Variants in ATRNL1 observed in about 807,000 individuals in gnomAD.
ATRNL1 encodes attractin like 1.
A neutral mutation model predicts 182.7 loss-of-function variants in ATRNL1; 95 were observed. That is an observed-to-expected ratio of 0.52 (90% CI 0.44 to 0.62). ATRNL1 has a LOEUF of 0.62. ATRNL1 is among the 20% of genes least tolerant of loss of function. The pLI is 0.00. For synonymous variants in ATRNL1, 576 were observed against 568.3 expected, an observed-to-expected ratio of 1.01 and a Z score of -0.19; for missense variants, 1,471 against 1,679.5, an observed-to-expected ratio of 0.88 and a Z score of 2.17.
chr10:115,376,280 C>T (rs1554949513), intron 19 of ATRNL1, among the ~76,000 whole-genome samples: 1 of 151,490 alleles, frequency 6.6e-6, no homozygotes. Context: ...GATTCTCTGC[C>T]TTTGACTTTA....
chr10:115,133,766 A>C (rs988513127), intron 5 of ATRNL1, among the ~76,000 whole-genome samples: 6 of 152,208 alleles, frequency 3.9e-5, no homozygotes, highest in South Asian at 2.1e-4. Flanking sequence ...ACCACATTGC[A>C]CTTATTCCAA....
intron 28 of ATRNL1, among the ~76,000 whole-genome samples, chr10:115,862,840 T>C (rs1189298510): frequency 1.4e-4 from 21 of 152,258 alleles, no homozygotes; most frequent in African/African-American, 4.6e-4. Flanking sequence ...ATTTGGTACA[T>C]GCATAAATGG....
At chr10:115,865,594 G>A (rs559772320) in intron 28 of ATRNL1, among the ~76,000 whole-genome samples, 3 of 152,190 alleles carry the variant, frequency 2.0e-5, no homozygotes, top group Non-Finnish European at 4.4e-5. Flanking sequence ...ACATAGTATA[G>A]CCATGTTCCC....
intron 27 of ATRNL1, among the ~76,000 whole-genome samples, chr10:115,817,440 A>G (rs1056131654): frequency 3.9e-5 from 6 of 152,138 alleles, no homozygotes; most frequent in African/African-American, 9.6e-5. Context: ...AGCACTAAGT[A>G]TAAAATATGG....
chr10:115,306,334 C>T (rs2133990089), intron 17 of ATRNL1, among the ~76,000 whole-genome samples: 1 of 152,238 alleles, frequency 6.6e-6, no homozygotes, highest in Admixed American at 6.5e-5. Context: ...TTCCTTGGAA[C>T]CTCTTTAGCA....
intron 27 of ATRNL1, among the ~76,000 whole-genome samples, chr10:115,754,873 G>A (rs1555071561): frequency 6.6e-6 from 1 of 152,148 alleles, no homozygotes; most frequent in Non-Finnish European, 1.5e-5. Flanking sequence ...TCTCCTTGAA[G>A]AGATCCTTCA....
intron 19 of ATRNL1, among the ~76,000 whole-genome samples, chr10:115,374,739 T>C (rs1857582670): frequency 6.6e-6 from 1 of 151,946 alleles, no homozygotes; most frequent in Non-Finnish European, 1.5e-5. Context: ...TTCTTTTTGT[T>C]TAGGAACAGA....
intron 28 of ATRNL1, among the ~76,000 whole-genome samples, chr10:115,937,183 G>A (rs1449496905): frequency 6.6e-6 from 1 of 152,208 alleles, no homozygotes; most frequent in Non-Finnish European, 1.5e-5. Flanking sequence ...TGAGGTGTCT[G>A]TGGTGCTGGA....
At chr10:115,892,823 G>T (rs1418144559) in intron 28 of ATRNL1, among the ~76,000 whole-genome samples, 1 of 152,168 alleles carries the variant, frequency 6.6e-6, no homozygotes, top group Non-Finnish European at 1.5e-5. Context: ...GTTTGTGATT[G>T]TAACTCTAAT....
At chr10:115,413,317 G>A (rs782359169) in intron 20 of ATRNL1, among the ~76,000 whole-genome samples, 53 of 151,936 alleles carry the variant, frequency 3.5e-4, no homozygotes, top group Non-Finnish European at 6.9e-4. Flanking sequence ...TTTCTCTTTT[G>A]TCTTTTTTAA....
At chr10:115,520,582 C>T (rs1850876557) in intron 25 of ATRNL1, among the ~76,000 whole-genome samples, 3 of 152,172 alleles carry the variant, frequency 2.0e-5, no homozygotes, top group Admixed American at 2.0e-4. Context: ...AGTTTTATGC[C>T]TGAATGCCTT....
chr10:115,521,439 C>A (rs1165138248), intron 25 of ATRNL1, among the ~76,000 whole-genome samples: 1 of 152,092 alleles, frequency 6.6e-6, no homozygotes, highest in Non-Finnish European at 1.5e-5. Context: ...AAGTGTGAGC[C>A]ACCATGCCTG....
intron 20 of ATRNL1, among the ~76,000 whole-genome samples, chr10:115,400,285 A>G (rs1844504817): frequency 6.6e-6 from 1 of 151,966 alleles, no homozygotes; most frequent in Admixed American, 6.6e-5. Context: ...AAACTATATA[A>G]TTTGATTGTG....
At chr10:115,874,739 C>T (rs1357997670) in intron 28 of ATRNL1, among the ~76,000 whole-genome samples, 2 of 152,124 alleles carry the variant, frequency 1.3e-5, no homozygotes, top group Non-Finnish European at 2.9e-5. Flanking sequence ...GAAGCACAGT[C>T]TAAGTGGAGA....
chr10:115,868,159 C>T (rs1388751802), intron 28 of ATRNL1, among the ~76,000 whole-genome samples: 9 of 152,238 alleles, frequency 5.9e-5, no homozygotes, highest in South Asian at 2.1e-4. Flanking sequence ...TGTATATATT[C>T]GAGTGATATG....
At chr10:115,181,444 C>A (rs1230244489) in intron 8 of ATRNL1, among the ~76,000 whole-genome samples, 2 of 151,520 alleles carry the variant, frequency 1.3e-5, no homozygotes, top group Non-Finnish European at 3.0e-5. Flanking sequence ...ACATTTTATT[C>A]TTTCTTAGAA....
At chr10:115,822,979 A>G (rs1555090908) in intron 27 of ATRNL1, among the ~76,000 whole-genome samples, 1 of 152,218 alleles carries the variant, frequency 6.6e-6, no homozygotes, top group African/African-American at 2.4e-5. Context: ...ACACAACAAG[A>G]AAAGAAAATT....
At chr10:115,779,494 A>G (rs1009902519) in intron 27 of ATRNL1, among the ~76,000 whole-genome samples, 2 of 152,204 alleles carry the variant, frequency 1.3e-5, no homozygotes, top group African/African-American at 4.8e-5. Flanking sequence ...CTTAAGCCAA[A>G]CAATACTCAA....
At position 115,755,665 on chromosome 10, in the gene ATRNL1, C is replaced by T. The variant is rs12775855; in HGVS notation, c.3903+28310C>T. On this transcript the variant is annotated intron_variant, in intron 27 of 28. Transcript: ENST00000355044. ...TGCATTTCTGCCAGGTTTTGGTAAC[C>T]GGATGATGCTGGCCTCATAAAATGA... Among the ~76,000 whole-genome samples the T allele has an allele frequency of 8.8e-3, 1,344 of 152,048 alleles. 18 individuals are homozygous for T. The highest frequency in any genetic ancestry group is 0.03 in the African/African-American group (1,257 of 41,498).
Sources: gnomAD v4.1 joint callset for allele counts (sites outside exome capture counted in the v4.1 genomes callset) on GRCh38, gnomAD v4.1.1 for gene constraint, MANE v1.5 for transcripts, NCBI Gene and HGNC (gene_info 2026-07-23, HGNC 2026-07-21) for gene names.